The following MBNL2 variants were observed in gnomAD, a reference collection of about 807,000 sequenced individuals.
MBNL2 encodes muscleblind like splicing regulator 2, also known as muscleblind-like protein 2.
A neutral mutation model predicts 41.9 loss-of-function variants in MBNL2; 17 were observed. The observed-to-expected ratio is 0.41, with a 90% confidence interval of 0.28 to 0.61. MBNL2 has a LOEUF of 0.61. MBNL2 is among the 20% of genes least tolerant of loss of function. The probability of loss-of-function intolerance (pLI) is 0.35; values close to 1 mark genes in which losing one functional copy is unlikely to be tolerated. For synonymous variants in MBNL2, 195 were observed against 182.9 expected (o/e 1.07, Z -0.53); for missense variants, 336 against 505.6 (o/e 0.66, Z 3.22).
At chr13:97,221,763 A>G (rs1282783030), upstream of MBNL2, among the ~76,000 whole-genome samples, 1 of 152,226 alleles carries the variant, frequency 6.6e-6, no homozygotes, top group Non-Finnish European at 1.5e-5. Context: ...CTGCAATAAC[A>G]GATGTTATAC....
chr13:97,182,354 TAACAG>T, the MBNL2 span, among the ~76,000 whole-genome samples: 3 of 152,230 alleles, frequency 2.0e-5, no homozygotes, highest in African/African-American at 7.2e-5. Flanking sequence ...TGGTGACAGA[TAACAG>T]AACTAATCTT....
the MBNL2 span, among the ~76,000 whole-genome samples, chr13:97,160,896 A>G: frequency 6.6e-6 from 1 of 152,194 alleles, no homozygotes. Flanking sequence ...GAAAGAGTTA[A>G]TTCTCAATTT....
intron 2 of MBNL2, among the ~76,000 whole-genome samples, chr13:97,282,570 T>C (rs1383539077): frequency 6.6e-6 from 1 of 152,180 alleles, no homozygotes; most frequent in Non-Finnish European, 1.5e-5. Context: ...CAAGGCATTG[T>C]TGGTGTGTGT....
chr13:97,380,780 T>C (rs776650460), intron 8 of MBNL2, among the ~76,000 whole-genome samples: 13 of 152,110 alleles, frequency 8.5e-5, no homozygotes, highest in Non-Finnish European at 1.8e-4. Flanking sequence ...GGAGCTCTCC[T>C]CCTCCTCTAA....
At chr13:97,143,545 A>G in the MBNL2 span, among the ~76,000 whole-genome samples, 6 of 152,364 alleles carry the variant, frequency 3.9e-5, no homozygotes, top group Non-Finnish European at 8.8e-5. Context: ...TCCCTGGTAC[A>G]GATGAAATGA....
chr13:97,165,663 T>A, the MBNL2 span, among the ~76,000 whole-genome samples: 1 of 152,176 alleles, frequency 6.6e-6, no homozygotes, highest in Non-Finnish European at 1.5e-5. Context: ...ACAGAGACAC[T>A]CAACAAGTCA....
At chr13:97,364,609 A>T (rs973562646) in intron 7 of MBNL2, among the ~76,000 whole-genome samples, 19 of 152,224 alleles carry the variant, frequency 1.2e-4, no homozygotes, top group African/African-American at 4.3e-4. Flanking sequence ...GACACAAAAC[A>T]TTTACAGTCA....
chr13:97,202,998 A>G, the MBNL2 span, among the ~76,000 whole-genome samples: 7,660 of 152,216 alleles, frequency 0.05, 255 homozygotes, highest in South Asian at 0.14. Flanking sequence ...CTCCTCCTTC[A>G]GGTCTCCTTC....
At chr13:97,218,409 C>CA (rs1182631555), upstream of MBNL2, among the ~76,000 whole-genome samples, 267 of 47,098 alleles carry the variant, frequency 5.7e-3, no homozygotes, top group African/African-American at 0.02. Flanking sequence ...GACTCTGTCT[C>CA]AAAAAAAAAC....
chr13:97,268,551 C>T lies in MBNL2; in HGVS notation c.-604-7081C>T, dbSNP rs551155464. 1.5e-3 allele frequency among the ~76,000 whole-genome samples: 233 copies of T among 152,294 alleles called. No individual in the cohort carries two copies. Among genetic ancestry groups the T allele is most frequent in the Non-Finnish European group, 2.7e-3 (184 of 68,018 alleles). ...TCCCAGCCTCAACCTACCTGGCAGC[C>T]GCAGGGTAAGCCAGTGGCATCTGCT... On this transcript the variant is annotated intron_variant, in intron 1 of 8. Coordinates refer to ENST00000679496, the MANE Select transcript of MBNL2 (RefSeq NM_001382683.1). This position sits in a 1 kb window ranked among gnomAD's most constrained non-coding sequence, Gnocchi z 4.6.
intron 4 of MBNL2, among the ~76,000 whole-genome samples, chr13:97,344,026 G>A (rs1219723022): frequency 2.0e-5 from 3 of 152,142 alleles, no homozygotes; most frequent in Admixed American, 6.5e-5. Context: ...GGCTGGTCTC[G>A]AACTCCCAAC....
intron 8 of MBNL2, among the ~76,000 whole-genome samples, chr13:97,379,378 G>A (rs890628499): frequency 2.0e-5 from 3 of 151,984 alleles, no homozygotes; most frequent in African/African-American, 4.8e-5. Flanking sequence ...CCTCTCAATC[G>A]AGACTCACTT....
At chr13:97,299,051 A>G (rs1414934338) in intron 2 of MBNL2, among the ~76,000 whole-genome samples, 1 of 152,172 alleles carries the variant, frequency 6.6e-6, no homozygotes, top group African/African-American at 2.4e-5. Flanking sequence ...AAAGAAAGCA[A>G]TGGGATGTTA....
At chr13:97,311,122 G>A (rs187700992) in intron 2 of MBNL2, among the ~76,000 whole-genome samples, 22 of 152,208 alleles carry the variant, frequency 1.4e-4, no homozygotes, top group Admixed American at 2.6e-4. Flanking sequence ...AAGAGGGGGA[G>A]GAATGACTAT....
chr13:97,220,875 T>C (rs1051387951), upstream of MBNL2, among the ~76,000 whole-genome samples: 2 of 152,144 alleles, frequency 1.3e-5, no homozygotes, highest in South Asian at 2.1e-4. Flanking sequence ...CACAAATCTG[T>C]TTAAGTATAT....
chr13:97,170,736 T>C, the MBNL2 span, among the ~76,000 whole-genome samples: 1 of 152,190 alleles, frequency 6.6e-6, no homozygotes, highest in Non-Finnish European at 1.5e-5. Flanking sequence ...AATCTCAGGT[T>C]CTACAATAGT....
chr13:97,389,029 G>T (rs902919378), intron 8 of MBNL2, among the ~76,000 whole-genome samples: 3 of 152,200 alleles, frequency 2.0e-5, no homozygotes, highest in African/African-American at 7.2e-5. Flanking sequence ...ATGCCAGGCA[G>T]CAGTCACAGC....
the MBNL2 span, among the ~76,000 whole-genome samples, chr13:97,155,051 T>C: frequency 2.0e-3 from 304 of 152,244 alleles, 1 homozygote; most frequent in African/African-American, 6.8e-3. Context: ...GTATGTTCAA[T>C]TGTGAGATGA....
the MBNL2 span, among the ~76,000 whole-genome samples, chr13:97,149,742 G>A: frequency 6.6e-6 from 1 of 152,258 alleles, no homozygotes; most frequent in East Asian, 1.9e-4. Flanking sequence ...AACTCCAATT[G>A]TGTAGACTTA....
Sources: gnomAD v4.1 joint callset for allele counts (sites outside exome capture counted in the v4.1 genomes callset) on GRCh38, gnomAD v4.1.1 for gene constraint, Gnocchi (gnomAD v3.1) non-coding constraint, MANE v1.5 for transcripts, NCBI Gene and HGNC (gene_info 2026-07-23, HGNC 2026-07-21) for gene names.